The following SLC37A1 variants were observed in gnomAD, a reference collection of about 807,000 sequenced individuals.
SLC37A1 encodes solute carrier family 37 member 1, also known as glucose-6-phosphate exchanger SLC37A1.
A neutral mutation model predicts 75.3 loss-of-function variants in SLC37A1; 49 were observed. That is an observed-to-expected ratio of 0.65 (90% CI 0.52 to 0.83). SLC37A1 has a LOEUF of 0.83. Ranked by LOEUF, SLC37A1 falls within the 40% of genes least tolerant of loss-of-function variation. SLC37A1 has a pLI of 0.00. For missense variants in SLC37A1, 566 were observed against 695.0 expected, an observed-to-expected ratio of 0.81 and a Z score of 2.09; for synonymous variants, 268 against 292.1, an observed-to-expected ratio of 0.92 and a Z score of 0.84.
intron 17 of SLC37A1, 110 bp from the exon 18 acceptor site, chr21:42,574,708 G>A (rs1358986029): frequency 1.0e-6 from 1 of 992,294 alleles, no homozygotes; most frequent in African/African-American, 1.6e-5. Flanking sequence ...AGTTCCATAT[G>A]TGTTCCTTTC....
In SLC37A1 at chr21:42,568,112, G is replaced by A. The variant is rs190445918; in HGVS notation, c.1345-248G>A. ...AGGAGCAGGACTGTGCGGAACAAAC[G>A]TTTTTTATTTGAAGAGAATCCTAAG... is the stretch of plus-strand genomic sequence containing the variant. On this transcript the variant is annotated intron_variant, in intron 16 of 19. Transcript: ENST00000352133. Among the ~76,000 whole-genome samples, 516 of 152,354 alleles carry A rather than the reference G, an allele frequency of 3.4e-3. 10 individuals are homozygous for A. The highest frequency in any genetic ancestry group is 0.03 in the Admixed American group (459 of 15,308).
intron 3 of SLC37A1, among the ~76,000 whole-genome samples, chr21:42,534,151 G>T (rs80047756): frequency 6.6e-6 from 1 of 152,054 alleles, no homozygotes; most frequent in Admixed American, 6.5e-5. Flanking sequence ...ACCTCTAGCC[G>T]CATGGATTCG....
At chr21:42,546,526 A>G (rs1033141140) in intron 8 of SLC37A1, among the ~76,000 whole-genome samples, 1 of 152,140 alleles carries the variant, frequency 6.6e-6, no homozygotes. Flanking sequence ...CAGCGTCCGC[A>G]TGCTCTGCTT....
chr21:42,501,166 A>C (rs565438606), intron 1 of SLC37A1, among the ~76,000 whole-genome samples: 1 of 152,372 alleles, frequency 6.6e-6, no homozygotes, highest in African/African-American at 2.4e-5. Flanking sequence ...ATTAAATGTT[A>C]GATATTATTT....
chr21:42,558,915 T>C (rs2055756327), intron 10 of SLC37A1, 43 bp from the exon 11 acceptor site: 8 of 1,612,100 alleles, frequency 5.0e-6, no homozygotes, highest in Non-Finnish European at 6.8e-6. Flanking sequence ...ACTGCCCGGC[T>C]GGTAACACCT....
Position 42,568,399 on chromosome 21 carries a change from T to C in SLC37A1, c.1384T>C (p.Ser462Pro), listed in dbSNP as rs2056036280. ...KSLKGNAHAL[S>P]TVTAIIDGTG... ...TCTGAAAGGCAACGCGCACGCCCTCTCCACCGTGACGGCCATCATTGACGG... is the reference window on the plus strand; with the variant it reads ...TCTGAAAGGCAACGCGCACGCCCTCCCCACCGTGACGGCCATCATTGACGG... Residue 462 changes from serine to proline, a missense_variant, in exon 17 of 20, where the codon TCC (serine) becomes CCC (proline). Ser to Pro is a moderately conservative substitution (Grantham distance 74, BLOSUM62 -1). Coordinates refer to ENST00000352133, the MANE Select transcript of SLC37A1 (RefSeq NM_001320537.2). 2 of 1,614,108 alleles carry C rather than the reference T, an allele frequency of 1.2e-6. No homozygotes were observed. Among genetic ancestry groups the C allele is most frequent in the Non-Finnish European group, 1.7e-6 (2 of 1,179,994 alleles).
chr21:42,524,797 C>A (rs1352174721), intron 2 of SLC37A1, among the ~76,000 whole-genome samples: 1 of 152,196 alleles, frequency 6.6e-6, no homozygotes. Flanking sequence ...TGGTCTCTGG[C>A]CCTGGTTCTG....
chr21:42,577,611 G>A lies in SLC37A1; in HGVS notation c.1522-2125G>A, dbSNP rs2056335767. 2.6e-5 allele frequency among the ~76,000 whole-genome samples: 4 copies of A among 152,252 alleles called. No individual in the cohort carries two copies. The South Asian group carries it at 8.3e-4, about 32-fold the overall frequency. ...CTTCAAGGCAATACAGGGAAATGAA[G>A]ACTTAATCTAAGAGAACCTAGGGTC... On this transcript the variant is annotated intron_variant, in intron 18 of 19. Coordinates refer to ENST00000352133, the MANE Select transcript of SLC37A1 (RefSeq NM_001320537.2).
At chr21:42,532,327 C>T (rs228049) in intron 3 of SLC37A1, among the ~76,000 whole-genome samples, 47,587 of 152,198 alleles carry the variant, frequency 0.31, 9,046 homozygotes, top group Admixed American at 0.53. Flanking sequence ...CTGTTTTAAG[C>T]GGCGGCCTGC....
chr21:42,504,991 T>A (rs1299448234), intron 2 of SLC37A1, among the ~76,000 whole-genome samples: 1 of 152,164 alleles, frequency 6.6e-6, no homozygotes, highest in Non-Finnish European at 1.5e-5. Flanking sequence ...TCCATCTACT[T>A]TTTTCCATTC....
intron 15 of SLC37A1, among the ~76,000 whole-genome samples, chr21:42,566,682 C>T (rs369672482): frequency 6.6e-6 from 1 of 152,136 alleles, no homozygotes; most frequent in East Asian, 1.9e-4. Context: ...GCGAGCACCA[C>T]AGCAGCTGTG....
chr21:42,529,708 G>A (rs1461445787), intron 3 of SLC37A1, among the ~76,000 whole-genome samples: 1 of 152,234 alleles, frequency 6.6e-6, no homozygotes, highest in East Asian at 1.9e-4. Flanking sequence ...GCAGTTTACA[G>A]ACACGGAATT....
rs919275770 is a variant in SLC37A1 at position 42,531,195 on chromosome 21, G to A, written c.139-3503G>A. On this transcript the variant is annotated intron_variant, in intron 3 of 19. Coordinates refer to ENST00000352133, the MANE Select transcript of SLC37A1 (RefSeq NM_001320537.2). ...GCCCCACCGCCTTCCCCGCACACTC[G>A]TCGCGCTGTGACTCCCGGCCCCGCC... Among the ~76,000 whole-genome samples, 4 of 152,068 alleles carry A rather than the reference G, an allele frequency of 2.6e-5. No homozygotes were observed. In the South Asian group the frequency reaches 6.2e-4, roughly 24 times the overall value.
At chr21:42,544,536 A>G (rs994880063) in intron 8 of SLC37A1, among the ~76,000 whole-genome samples, 8 of 152,244 alleles carry the variant, frequency 5.3e-5, no homozygotes, top group African/African-American at 1.7e-4. Context: ...GGAAATAAAC[A>G]TTCAGATGAG....
intron 3 of SLC37A1, among the ~76,000 whole-genome samples, chr21:42,533,543 C>T (rs919940344): frequency 1.1e-4 from 17 of 152,140 alleles, no homozygotes; most frequent in Non-Finnish European, 1.8e-4. Context: ...CCAAGGAATG[C>T]CCTGAGGAAG....
intron 12 of SLC37A1, among the ~76,000 whole-genome samples, chr21:42,563,565 G>T (rs1051307845): frequency 1.3e-5 from 2 of 151,686 alleles, no homozygotes; most frequent in Admixed American, 1.3e-4. Flanking sequence ...AGGGGCCCCT[G>T]GGGGGGTCTC....
chr21:42,570,432 C>G (rs2056128682), intron 17 of SLC37A1, among the ~76,000 whole-genome samples: 1 of 152,232 alleles, frequency 6.6e-6, no homozygotes, highest in African/African-American at 2.4e-5. Context: ...TTCACTGGAT[C>G]CAGAGGGGCT....
rs972904670 is a variant in SLC37A1, at chr21:42,559,553, G to A, written c.981+464G>A. Among the ~76,000 whole-genome samples the A allele has an allele frequency of 5.9e-5, 9 of 152,222 alleles. No homozygotes were observed. The South Asian group carries it at 1.0e-3, about 18-fold the overall frequency. ...CACTGAGTGCTGCGCCGTGGCCTTC[G>A]CGAGCCCGGCTGGATTCTCTTTCCC... On this transcript the variant is annotated intron_variant, in intron 11 of 19. Transcript: ENST00000352133.
intron 3 of SLC37A1, among the ~76,000 whole-genome samples, chr21:42,531,365 G>A (rs2146810171): frequency 6.8e-6 from 1 of 146,214 alleles, no homozygotes; most frequent in Admixed American, 7.1e-5. Context: ...TGTGTTGCAT[G>A]GACGCTTTAG....
Sources: gnomAD v4.1 joint callset for allele counts (sites outside exome capture counted in the v4.1 genomes callset) on GRCh38, gnomAD v4.1.1 for gene constraint, MANE v1.5 for transcripts, NCBI Gene and HGNC (gene_info 2026-07-23, HGNC 2026-07-21) for gene names.